TTC29: variants seen among roughly 807,000 people sequenced by gnomAD.
TTC29 encodes tetratricopeptide repeat domain 29.
TTC29 carries 49 observed loss-of-function variants against 58.1 expected under a neutral mutation model. The observed-to-expected ratio is 0.84, with a 90% CI of 0.67 to 1.07. The LOEUF is 1.07. TTC29 is among the 50% of genes least tolerant of loss of function. TTC29 has a pLI of 0.00. For synonymous variants in TTC29, 209 were observed against 196.8 expected (o/e 1.06, Z -0.52); for missense variants, 582 against 555.6 (o/e 1.05, Z -0.48).
At chr4:146,941,655 C>T (rs963543749) in intron 2 of TTC29, among the ~76,000 whole-genome samples, 27 of 152,226 alleles carry the variant, frequency 1.8e-4, no homozygotes, top group African/African-American at 4.6e-4. Context: ...GAATTTTGTT[C>T]GGTGTCCCAA....
intron 10 of TTC29, among the ~76,000 whole-genome samples, chr4:146,817,939 G>A (rs1751528752): frequency 6.6e-6 from 1 of 152,060 alleles, no homozygotes; most frequent in African/African-American, 2.4e-5. Flanking sequence ...AATTCAAGAT[G>A]GATTAAAGAC....
chr4:146,822,831 T>C (rs1751937763), intron 9 of TTC29, among the ~76,000 whole-genome samples: 1 of 152,248 alleles, frequency 6.6e-6, no homozygotes, highest in East Asian at 1.9e-4. Context: ...ATTGCGGTTT[T>C]GATTTGCATT....
intron 4 of TTC29, among the ~76,000 whole-genome samples, chr4:146,916,164 G>A (rs1167549057): frequency 5.3e-5 from 8 of 151,634 alleles, no homozygotes; most frequent in African/African-American, 9.7e-5. Context: ...TTTCGGTGTA[G>A]ATAGATATTA....
At chr4:146,917,480 T>A (rs1734301405) in intron 4 of TTC29, among the ~76,000 whole-genome samples, 1 of 147,620 alleles carries the variant, frequency 6.8e-6, no homozygotes, top group Non-Finnish European at 1.5e-5. Flanking sequence ...AAATATAATT[T>A]GAAAGTATAA....
At chr4:146,873,572 G>A (rs1731070129) in intron 7 of TTC29, among the ~76,000 whole-genome samples, 1 of 152,106 alleles carries the variant, frequency 6.6e-6, no homozygotes, top group Non-Finnish European at 1.5e-5. Flanking sequence ...CCTAATCAAT[G>A]CATTCCTTTT....
At chr4:146,929,740 C>T (rs1735180006) in intron 4 of TTC29, among the ~76,000 whole-genome samples, 2 of 151,980 alleles carry the variant, frequency 1.3e-5, no homozygotes, top group Non-Finnish European at 2.9e-5. Context: ...TCAAGTTTTG[C>T]CTGCACTGTG....
intron 11 of TTC29, among the ~76,000 whole-genome samples, chr4:146,730,306 G>T (rs1400532576): frequency 2.0e-5 from 3 of 152,114 alleles, no homozygotes; most frequent in African/African-American, 7.2e-5. Flanking sequence ...ATTAACTTGG[G>T]TGAATTAGAG....
chr4:146,850,942 A>T (rs767607812), intron 8 of TTC29, among the ~76,000 whole-genome samples: 1 of 152,200 alleles, frequency 6.6e-6, no homozygotes, highest in Non-Finnish European at 1.5e-5. Context: ...TTGCATTACA[A>T]CAGTAAGGAC....
chr4:146,821,700 T>C (rs1005361738), intron 9 of TTC29, among the ~76,000 whole-genome samples: 22 of 152,204 alleles, frequency 1.4e-4, no homozygotes, highest in African/African-American at 5.1e-4. Context: ...CCAGGTAAAC[T>C]GTGAGAACCT....
chr4:146,891,049 A>G (rs969831832), intron 6 of TTC29, among the ~76,000 whole-genome samples: 1 of 152,136 alleles, frequency 6.6e-6, no homozygotes, highest in Non-Finnish European at 1.5e-5. Context: ...GAAGGAAACC[A>G]GACTGACAAC....
chr4:146,729,851 G>A (rs899900713), intron 11 of TTC29, among the ~76,000 whole-genome samples: 13 of 151,896 alleles, frequency 8.6e-5, no homozygotes, highest in African/African-American at 3.1e-4. Flanking sequence ...AACAGCTTGG[G>A]GGAAACTGCC....
chr4:146,931,972 C>A (rs1008701363), intron 4 of TTC29, among the ~76,000 whole-genome samples: 1 of 151,924 alleles, frequency 6.6e-6, no homozygotes, highest in African/African-American at 2.4e-5. Flanking sequence ...TCAGTCTTTT[C>A]CCCCTTCTTC....
At chr4:146,776,752 G>A (rs1748129751) in intron 11 of TTC29, among the ~76,000 whole-genome samples, 1 of 152,226 alleles carries the variant, frequency 6.6e-6, no homozygotes, top group African/African-American at 2.4e-5. Flanking sequence ...TGCTAGCACA[G>A]CAGGGTGCAT....
chr4:146,726,619 T>C (rs1160268388), intron 11 of TTC29, among the ~76,000 whole-genome samples: 1 of 152,204 alleles, frequency 6.6e-6, no homozygotes, highest in African/African-American at 2.4e-5. Flanking sequence ...GAAGATGGTA[T>C]ATAGACAGCA....
At chr4:146,903,328 G>T (rs935239037) in intron 6 of TTC29, among the ~76,000 whole-genome samples, 8 of 152,204 alleles carry the variant, frequency 5.3e-5, no homozygotes, top group African/African-American at 1.9e-4. Flanking sequence ...TGAGCACTCA[G>T]GCAGAAGCAT....
intron 11 of TTC29, among the ~76,000 whole-genome samples, chr4:146,744,070 G>A (rs931810770): frequency 6.6e-6 from 1 of 152,198 alleles, no homozygotes; most frequent in Non-Finnish European, 1.5e-5. Flanking sequence ...ATGGGAAGGA[G>A]GGAAAGGAAA....
intron 8 of TTC29, among the ~76,000 whole-genome samples, chr4:146,857,390 G>A (rs1461412507): frequency 6.6e-6 from 1 of 152,016 alleles, no homozygotes; most frequent in Non-Finnish European, 1.5e-5. Flanking sequence ...CCCCAAGAAA[G>A]AGACTGCCTG....
At chr4:146,942,640 T>G (rs750225051) in intron 2 of TTC29, 30 of 1,531,808 alleles carry the variant, frequency 2.0e-5, no homozygotes, top group Non-Finnish European at 2.5e-5. Context: ...AATGTTACAG[T>G]GAACATCGGA....
At chr4:146,746,651 C>T (rs1043002997) in intron 11 of TTC29, among the ~76,000 whole-genome samples, 1 of 152,046 alleles carries the variant, frequency 6.6e-6, no homozygotes, top group African/African-American at 2.4e-5. Flanking sequence ...TTGTCTGTCC[C>T]CTCCCCTGTC....
Sources: gnomAD v4.1 joint callset for allele counts (sites outside exome capture counted in the v4.1 genomes callset) on GRCh38, gnomAD v4.1.1 for gene constraint, MANE v1.5 for transcripts, NCBI Gene and HGNC (gene_info 2026-07-23, HGNC 2026-07-21) for gene names.